APBB1IP: variants seen among roughly 807,000 people sequenced by gnomAD.
APBB1IP encodes amyloid beta A4 precursor protein-binding family B member 1-interacting protein.
Under a neutral mutation model 64.9 loss-of-function variants are expected in APBB1IP, and 27 were observed. That is an observed-to-expected ratio of 0.42 (90% CI 0.31 to 0.57). The LOEUF is 0.57. Ranked by LOEUF, APBB1IP falls within the 20% of genes least tolerant of loss-of-function variation. APBB1IP has a pLI of 0.20. For missense variants in APBB1IP, 812 were observed against 845.5 expected (o/e 0.96, Z 0.49); for synonymous variants, 392 against 331.0 (o/e 1.18, Z -2.00).
At position 26,514,060 on chromosome 10, in the gene APBB1IP, T is replaced by C. The variant is rs550793107; in HGVS notation, c.813+400T>C. Among the ~76,000 whole-genome samples, 5 of 152,268 alleles carry C rather than the reference T, an allele frequency of 3.3e-5. No individual in the cohort carries two copies. The East Asian group carries it at 9.7e-4, about 29-fold the overall frequency. ...AGGATTTTTTTTAATGTCACCTGTATACTAACCACACCATTCATTGTCTCA... is the reference window on the plus strand; with the variant it reads ...AGGATTTTTTTTAATGTCACCTGTACACTAACCACACCATTCATTGTCTCA... On this transcript the variant is annotated intron_variant, in intron 8 of 14. Transcript: ENST00000376236.
intron 3 of APBB1IP, among the ~76,000 whole-genome samples, chr10:26,495,031 T>C (rs1221012766): frequency 6.7e-6 from 1 of 149,764 alleles, no homozygotes; most frequent in African/African-American, 2.5e-5. Flanking sequence ...TTTTTTGAGA[T>C]AGAGTCTCAC....
intron 6 of APBB1IP, among the ~76,000 whole-genome samples, chr10:26,507,365 G>A (rs1029417948): frequency 2.0e-5 from 3 of 152,134 alleles, no homozygotes; most frequent in Non-Finnish European, 4.4e-5. Flanking sequence ...TGGGCATGGC[G>A]GTTCACACAT....
At chr10:26,512,259 A>G (rs781529468) in intron 7 of APBB1IP, among the ~76,000 whole-genome samples, 1 of 152,224 alleles carries the variant, frequency 6.6e-6, no homozygotes, top group Non-Finnish European at 1.5e-5. Flanking sequence ...CTTGGGGGAT[A>G]TAAGCACTAT....
At chr10:26,493,103 T>C (rs1835977625) in intron 3 of APBB1IP, among the ~76,000 whole-genome samples, 2 of 152,194 alleles carry the variant, frequency 1.3e-5, no homozygotes, top group Admixed American at 1.3e-4. Context: ...TCAGTGATAT[T>C]TCTCTTACCC....
At chr10:26,447,374 CAAAAAAAAAAAAA>C (rs55948326) in intron 2 of APBB1IP, among the ~76,000 whole-genome samples, 1 of 55,028 alleles carries the variant, frequency 1.8e-5, no homozygotes, top group Non-Finnish European at 3.4e-5. Context: ...GACTCCGTCT[CAAAAAAAAAAAAA>C]AAAAAAAAAG....
Position 26,567,209 on chromosome 10 carries a change from C to A in APBB1IP, c.1722C>A (p.Asp574Glu). The change falls in exon 15 of 15, where the codon GAC becomes GAA. Residue 574 changes from aspartate to glutamate, a missense_variant. Physicochemically the swap from Asp to Glu is conservative, Grantham distance 45. Around this residue, in one of 3 missense-constraint regions of APBB1IP, gnomAD observed 381 missense variants for 352.1 expected, o/e 1.08. Transcript: ENST00000376236. ...CTGAGCTCCCGCCGCCGCCCCCGGA[C>A]TTCATGGAGCCGCCCCCAGACTTCG... Reference protein sequence around the residue: ...DDPELPPPPPDFMEPPPDFVP... With the variant: ...DDPELPPPPPEFMEPPPDFVP... 1.4e-6 allele frequency: 2 copies of A among 1,383,412 alleles called. No individual in the cohort carries two copies. The highest frequency in any genetic ancestry group is 1.9e-6 in the Non-Finnish European group (2 of 1,071,360). 85.7% of individuals were successfully genotyped at this position (1,383,412 alleles called of 1,614,324 possible).
At position 26,503,154 on chromosome 10, in the gene APBB1IP, T is replaced by G. The variant is rs765707416; in HGVS notation, c.454-43T>G. 20 of 1,587,912 alleles carry G rather than the reference T, an allele frequency of 1.3e-5. 1 individual carries two copies. Among genetic ancestry groups the G allele is most frequent in the Non-Finnish European group, 1.7e-5 (20 of 1,158,482 alleles). ...TGACAGAAGTGATTACTCACTGGTA[T>G]TACTTAATGGACTGTATTGAAGAAT... On this transcript the variant is annotated intron_variant, in intron 5 of 14. Coordinates refer to ENST00000376236, the MANE Select transcript of APBB1IP (RefSeq NM_019043.4).
chr10:26,539,366 C>T (rs572777979), intron 10 of APBB1IP, among the ~76,000 whole-genome samples: 3 of 140,392 alleles, frequency 2.1e-5, no homozygotes, highest in African/African-American at 8.0e-5. Context: ...GAGCCATGTT[C>T]GTGCCACTGC....
intron 2 of APBB1IP, among the ~76,000 whole-genome samples, chr10:26,488,838 T>G (rs2132427911): frequency 6.6e-6 from 1 of 152,358 alleles, no homozygotes; most frequent in East Asian, 1.9e-4. Flanking sequence ...CTTCTATACC[T>G]GGGTGCTCAC....
rs191318817 is a variant in APBB1IP at position 26,516,329 on chromosome 10, G to A, written c.813+2669G>A. 2.5e-4 allele frequency among the ~76,000 whole-genome samples: 38 copies of A among 151,850 alleles called. 2 individuals carry two copies. The highest frequency in any genetic ancestry group is 1.3e-3 in the Admixed American group (20 of 15,222). Reference sequence around the variant, plus strand: ...AGCACTTTGGGAGGCTGAGGCAGGCGGATCACTTGAGGTCAGGAGTTTGAC... The same window carrying A: ...AGCACTTTGGGAGGCTGAGGCAGGCAGATCACTTGAGGTCAGGAGTTTGAC... On this transcript the variant is annotated intron_variant, in intron 8 of 14. Transcript: ENST00000376236.
At chr10:26,501,694 T>C (rs1015777360) in intron 5 of APBB1IP, 1 of 153,388 alleles carries the variant, frequency 6.5e-6, no homozygotes, top group Non-Finnish European at 1.5e-5. Flanking sequence ...TTATTTGGGA[T>C]GTTAACTCAT....
chr10:26,471,483 T>A (rs1219567791), intron 2 of APBB1IP, among the ~76,000 whole-genome samples: 1 of 152,198 alleles, frequency 6.6e-6, no homozygotes, highest in African/African-American at 2.4e-5. Flanking sequence ...GAATATTTAC[T>A]AAGAAATGCA....
At chr10:26,443,316 C>T (rs1044367991) in intron 2 of APBB1IP, among the ~76,000 whole-genome samples, 3 of 151,268 alleles carry the variant, frequency 2.0e-5, no homozygotes, top group Non-Finnish European at 4.4e-5. Flanking sequence ...CCCAGCCACT[C>T]GGGAGGCTGA....
intron 8 of APBB1IP, among the ~76,000 whole-genome samples, chr10:26,532,031 G>A (rs1318662): frequency 0.18 from 27,864 of 152,060 alleles, 2,648 homozygotes; most frequent in East Asian, 0.26. Context: ...AGATTTCCAG[G>A]CCTCATCCCA....
At position 26,512,884 on chromosome 10, in the gene APBB1IP, C is replaced by T. The variant is rs571602074; in HGVS notation, c.692-655C>T. Among the ~76,000 whole-genome samples the T allele has an allele frequency of 3.9e-5, 6 of 152,274 alleles. No individual in the cohort carries two copies. The South Asian group carries it at 6.2e-4, about 16-fold the overall frequency. ...CTGGATAAGATGGTTTACACTAAAG[C>T]AGTCCCTTAAATTTCTCTTCAATTC... On this transcript the variant is annotated intron_variant, in intron 7 of 14. Transcript: ENST00000376236.
chr10:26,546,591 G>A (rs983755611), intron 11 of APBB1IP, among the ~76,000 whole-genome samples: 1 of 152,048 alleles, frequency 6.6e-6, no homozygotes, highest in Non-Finnish European at 1.5e-5. Flanking sequence ...ATTATTGTTA[G>A]CTATAGTCAC....
At chr10:26,552,652 TAAGA>T (rs1402894931) in intron 11 of APBB1IP, among the ~76,000 whole-genome samples, 1 of 151,672 alleles carries the variant, frequency 6.6e-6, no homozygotes, top group Non-Finnish European at 1.5e-5. Flanking sequence ...AAAGGAAGGA[TAAGA>T]AAGAAAACGG....
intron 10 of APBB1IP, among the ~76,000 whole-genome samples, chr10:26,539,161 A>G (rs907025597): frequency 1.1e-4 from 16 of 152,228 alleles, no homozygotes; most frequent in African/African-American, 3.4e-4. Context: ...CTCTAATTCC[A>G]GAACTCTGGG....
intron 2 of APBB1IP, among the ~76,000 whole-genome samples, chr10:26,477,339 A>G (rs1031019356): frequency 2.0e-5 from 3 of 152,200 alleles, no homozygotes; most frequent in Non-Finnish European, 4.4e-5. Flanking sequence ...TATTTCTTTG[A>G]TAAGTGTTAA....
Sources: gnomAD v4.1 joint callset for allele counts (sites outside exome capture counted in the v4.1 genomes callset) on GRCh38, gnomAD v4.1.1 for gene constraint, gnomAD v4.1.1 regional missense constraint, MANE v1.5 for transcripts, NCBI Gene and HGNC (gene_info 2026-07-23, HGNC 2026-07-21) for gene names.